CEP250: variants seen among roughly 807,000 people sequenced by gnomAD.
CEP250 encodes centrosome-associated protein CEP250.
In CEP250, 242 loss-of-function variants were observed where a neutral mutation model predicts 315.7. The ratio of observed to expected loss-of-function variants is 0.77; its 90% CI spans 0.69 to 0.85. CEP250 has a LOEUF of 0.85. CEP250 is among the 40% of genes least tolerant of loss of function. CEP250 has a pLI of 0.00. For synonymous variants in CEP250, 1,088 were observed against 1,175.0 expected (o/e 0.93, Z 1.51); for missense variants, 2,515 against 2,886.4 (o/e 0.87, Z 2.95).
At chr20:35,462,741 G>T (rs1380718132) in intron 4 of CEP250, among the ~76,000 whole-genome samples, 188 bp downstream of exon 4, 1 of 152,152 alleles carries the variant, frequency 6.6e-6, no homozygotes, top group Non-Finnish European at 1.5e-5. Context: ...ACTGCTCCAT[G>T]AGGTACGTAT....
At chr20:35,471,692 C>T (rs1018317040) in intron 10 of CEP250, among the ~76,000 whole-genome samples, 2 of 152,156 alleles carry the variant, frequency 1.3e-5, no homozygotes, top group Admixed American at 1.3e-4. Context: ...TTGCTTTGTT[C>T]CAGACACTAT....
In CEP250 at chr20:35,501,947, T is replaced by A; in HGVS notation, c.4001T>A (p.Leu1334Gln). The change falls in exon 29 of 35, where the codon CTA becomes CAA. Residue 1334 changes from leucine (L) to glutamine (Q), a missense_variant. Physicochemically the swap from Leu to Gln is moderately radical, Grantham distance 113 (BLOSUM62 -2). Transcript: ENST00000397527. The part of the protein sequence containing the change: ...SLQSRLRRAE[L>Q]QRMEAQGERE... ...CAGAGTCGCCTGCGGAGAGCAGAGCTACAGCGAATGGAAGCCCAGGTAAAG... is the reference window on the plus strand; with the variant it reads ...CAGAGTCGCCTGCGGAGAGCAGAGCAACAGCGAATGGAAGCCCAGGTAAAG... The A allele has an allele frequency of 1.2e-6, 2 of 1,612,916 alleles. No homozygotes were observed. Among genetic ancestry groups the A allele is most frequent in the South Asian group, 1.1e-5 (1 of 91,080 alleles).
chr20:35,466,360 C>T (rs2062877824), intron 7 of CEP250, among the ~76,000 whole-genome samples, 156 bp downstream of exon 7: 1 of 152,184 alleles, frequency 6.6e-6, no homozygotes, highest in Non-Finnish European at 1.5e-5. Context: ...TGCTGGCAGC[C>T]TCAGCCTTCT....
chr20:35,460,957 G>A (rs542668653), intron 3 of CEP250, among the ~76,000 whole-genome samples: 24 of 152,338 alleles, frequency 1.6e-4, no homozygotes, highest in Admixed American at 4.6e-4. Flanking sequence ...ATAAGATGTA[G>A]AGTAGACATC....
At chr20:35,474,692 A>G in intron 14 of CEP250, 1 of 438,140 alleles carries the variant, frequency 2.3e-6, no homozygotes. Context: ...ATGATGTCAC[A>G]GAAAAAGCAA....
At chr20:35,472,857 A>T (rs758500089) in intron 12 of CEP250, 26 bp downstream of exon 12, 13 of 1,613,020 alleles carry the variant, frequency 8.1e-6, no homozygotes, top group Non-Finnish European at 1.0e-5. Flanking sequence ...ATTCCACCTC[A>T]GTCACAGGGG....
intron 9 of CEP250, among the ~76,000 whole-genome samples, chr20:35,468,301 T>A (rs1484941153): frequency 6.6e-6 from 1 of 152,188 alleles, no homozygotes. Context: ...CCTGCTAAGT[T>A]ACTGTGCCCT....
intron 4 of CEP250, among the ~76,000 whole-genome samples, 158 bp from the exon 5 acceptor site, chr20:35,463,417 T>C (rs1399388702): frequency 1.3e-5 from 2 of 152,086 alleles, no homozygotes; most frequent in African/African-American, 4.8e-5. Context: ...AAGAAAAAAA[T>C]GCCCAAATAG....
At chr20:35,481,935 A>C (rs181340848) in intron 20 of CEP250, among the ~76,000 whole-genome samples, 21 of 152,154 alleles carry the variant, frequency 1.4e-4, no homozygotes, top group African/African-American at 4.6e-4. Context: ...CCTGGGCTCA[A>C]GCGATCCACC....
At position 35,508,319 on chromosome 20, in the gene CEP250, T is replaced by TTG. The variant is rs926829181; in HGVS notation, c.6906+130_6906+131insGT. ...GCCTGTTTCTGAAAATTAAGTTTGT[T>TTG]TTTTTTTTTCCCGAGACAGAGTCTT... On this transcript the variant is annotated intron_variant, in intron 32 of 34. Coordinates refer to ENST00000397527, the MANE Select transcript of CEP250 (RefSeq NM_007186.6). 2.9e-6 allele frequency: 3 copies of TTG among 1,031,738 alleles called. No homozygotes were observed. The African/African-American group carries it at 4.9e-5, about 17-fold the overall frequency. The allele number at this position is 1,031,738 out of a possible 1,614,324, so 63.9% of individuals were successfully genotyped here.
chr20:35,505,998 T>C (rs1225256297), intron 30 of CEP250, among the ~76,000 whole-genome samples: 1 of 152,122 alleles, frequency 6.6e-6, no homozygotes, highest in African/African-American at 2.4e-5. Flanking sequence ...TGGGAGGCTG[T>C]ACTGGGAAGT....
intron 15 of CEP250, 138 bp downstream of exon 15, chr20:35,475,784 C>G (rs2063155615): frequency 1.1e-6 from 1 of 874,498 alleles, no homozygotes; most frequent in Non-Finnish European, 1.8e-6. Context: ...GTTCTCTATT[C>G]CAACATACCC....
chr20:35,464,132 T>C (rs1460146970), intron 5 of CEP250, among the ~76,000 whole-genome samples: 3 of 152,224 alleles, frequency 2.0e-5, no homozygotes. Context: ...CATGAGGCAC[T>C]GTCATATACA....
At chr20:35,457,770 G>A (rs148230548) in intron 1 of CEP250, among the ~76,000 whole-genome samples, 5 of 152,160 alleles carry the variant, frequency 3.3e-5, no homozygotes, top group Non-Finnish European at 7.4e-5. Flanking sequence ...GTGCACTACA[G>A]CCTGGGTAAC....
chr20:35,472,936 C>G, intron 12 of CEP250, 105 bp downstream of exon 12: 2 of 1,146,236 alleles, frequency 1.7e-6, no homozygotes, highest in Non-Finnish European at 2.5e-6. Flanking sequence ...CTTTTTTGAC[C>G]AGTCATGAGG....
chr20:35,467,186 G>A, intron 8 of CEP250, 114 bp downstream of exon 8: 1 of 1,332,212 alleles, frequency 7.5e-7, no homozygotes, highest in Middle Eastern at 2.2e-4. Flanking sequence ...GGGGGAGTTG[G>A]TAGTATTGGA....
intron 2 of CEP250, among the ~76,000 whole-genome samples, chr20:35,459,629 A>G (rs1476700298): frequency 9.7e-6 from 1 of 102,922 alleles, no homozygotes; most frequent in East Asian, 3.0e-4. Context: ...TACCAAAGAA[A>G]AAAAAAAAAA....
Position 35,504,846 on chromosome 20 carries a change from G to A in CEP250, c.6477G>A (p.Leu2159=), listed in dbSNP as rs909453937. ...QRELERLQAA[L]RQTEAREIEW... ...AGCTGGAGCGGCTACAGGCAGCCCT[G>A]AGACAGACAGAAGCCAGGGAGATTG... Residue 2159 remains leucine (L), a synonymous_variant, in exon 30 of 35, where the codon CTG becomes CTA. Coordinates refer to ENST00000397527, the MANE Select transcript of CEP250 (RefSeq NM_007186.6). The A allele has an allele frequency of 1.2e-6, 2 of 1,614,114 alleles. No individual in the cohort carries two copies. Among genetic ancestry groups the A allele is most frequent in the Non-Finnish European group, 1.7e-6 (2 of 1,180,052 alleles).
intron 17 of CEP250, among the ~76,000 whole-genome samples, chr20:35,478,356 G>T (rs894697978): frequency 6.6e-6 from 1 of 152,166 alleles, no homozygotes; most frequent in Non-Finnish European, 1.5e-5. Flanking sequence ...CACGAGGTCA[G>T]AGGTTCGAGA....
Sources: gnomAD v4.1 joint callset for allele counts (sites outside exome capture counted in the v4.1 genomes callset) on GRCh38, gnomAD v4.1.1 for gene constraint, MANE v1.5 for transcripts, NCBI Gene and HGNC (gene_info 2026-07-23, HGNC 2026-07-21) for gene names.